The following SLC25A13 variants were observed in gnomAD, a reference collection of about 807,000 sequenced individuals.
SLC25A13 encodes solute carrier family 25 member 13, also known as electrogenic aspartate/glutamate antiporter SLC25A13, mitochondrial.
SLC25A13 carries 70 observed loss-of-function variants against 85.5 expected under a neutral mutation model. That is an observed-to-expected ratio of 0.82 (90% CI 0.68 to 1.00). SLC25A13 has a LOEUF of 1.00. Ranked by LOEUF, SLC25A13 falls within the 50% of genes least tolerant of loss-of-function variation. The pLI, the probability that SLC25A13 is intolerant of heterozygous loss-of-function variation, is 0.00. For synonymous variants in SLC25A13, 259 were observed against 288.7 expected, an observed-to-expected ratio of 0.90 and a Z score of 1.04; for missense variants, 765 against 819.8, an observed-to-expected ratio of 0.93 and a Z score of 0.82.
chr7:96,228,302 A>T (rs1358220116), intron 4 of SLC25A13, among the ~76,000 whole-genome samples: 1 of 152,268 alleles, frequency 6.6e-6, no homozygotes, highest in African/African-American at 2.4e-5. Context: ...AGAATCTGTG[A>T]AACATATAAC....
chr7:96,186,435 G>C (rs962632513), intron 9 of SLC25A13, among the ~76,000 whole-genome samples: 2 of 151,910 alleles, frequency 1.3e-5, no homozygotes, highest in Non-Finnish European at 2.9e-5. Context: ...GTCTCAAAAA[G>C]AAAAAAGTTA....
chr7:96,212,484 GGA>G (rs1795736819), intron 4 of SLC25A13, among the ~76,000 whole-genome samples: 1 of 152,200 alleles, frequency 6.6e-6, no homozygotes, highest in Admixed American at 6.5e-5. Context: ...GGAGATTTAA[GGA>G]GAGAAGTAAG....
chr7:96,315,942 C>G (rs1800110261), intron 1 of SLC25A13, among the ~76,000 whole-genome samples: 2 of 151,802 alleles, frequency 1.3e-5, no homozygotes, highest in Non-Finnish European at 2.9e-5. Context: ...CATAGCAAGA[C>G]CCCCGTCTCT....
chr7:96,264,514 C>G (rs1367397603), intron 3 of SLC25A13, among the ~76,000 whole-genome samples: 4 of 152,150 alleles, frequency 2.6e-5, no homozygotes, highest in African/African-American at 9.7e-5. Flanking sequence ...CAGCATTTCT[C>G]AAAAATTTTA....
At chr7:96,165,474 T>C (rs1221522672) in intron 13 of SLC25A13, among the ~76,000 whole-genome samples, 1 of 152,170 alleles carries the variant, frequency 6.6e-6, no homozygotes, top group Non-Finnish European at 1.5e-5. Context: ...GTAACAGACA[T>C]ACGCAGTATC....
intron 13 of SLC25A13, among the ~76,000 whole-genome samples, chr7:96,158,270 C>A (rs887088979): frequency 2.6e-5 from 4 of 152,168 alleles, no homozygotes; most frequent in Non-Finnish European, 5.9e-5. Context: ...TCCCAACCCC[C>A]AATCATTCTA....
chr7:96,185,039 G>C, intron 9 of SLC25A13, 28 bp from the exon 10 acceptor site: 1 of 1,577,712 alleles, frequency 6.3e-7, no homozygotes, highest in Non-Finnish European at 8.7e-7. Flanking sequence ...GAATCAGAGA[G>C]CAGGAAAACA....
intron 13 of SLC25A13, among the ~76,000 whole-genome samples, chr7:96,148,154 A>T (rs1259368639): frequency 1.3e-5 from 2 of 152,202 alleles, no homozygotes; most frequent in East Asian, 3.8e-4. Flanking sequence ...AGTGCAAATG[A>T]ATTTTTTGTT....
At chr7:96,146,744 G>A (rs745926898) in intron 13 of SLC25A13, 48 bp from the exon 14 acceptor site, 2 of 1,603,624 alleles carry the variant, frequency 1.2e-6, no homozygotes, top group Non-Finnish European at 1.7e-6. Flanking sequence ...AAATGGTAAG[G>A]TGGGTCAGGA....
chr7:96,193,749 C>T (rs1794949654), intron 5 of SLC25A13, among the ~76,000 whole-genome samples: 1 of 152,052 alleles, frequency 6.6e-6, no homozygotes, highest in Non-Finnish European at 1.5e-5. Flanking sequence ...TCGTGTGTAC[C>T]CCTATTCTCT....
intron 3 of SLC25A13, among the ~76,000 whole-genome samples, chr7:96,265,019 T>C (rs922343441): frequency 6.6e-6 from 1 of 152,236 alleles, no homozygotes; most frequent in African/African-American, 2.4e-5. Flanking sequence ...GATTCATAGT[T>C]AGAAAAGAAA....
At chr7:96,123,570 C>T (rs975238973) in intron 15 of SLC25A13, among the ~76,000 whole-genome samples, 6 of 152,164 alleles carry the variant, frequency 3.9e-5, no homozygotes, top group Admixed American at 3.3e-4. Flanking sequence ...TAGTAAGTTG[C>T]CTGGCAAAAC....
At chr7:96,208,301 T>A (rs910592942) in intron 5 of SLC25A13, among the ~76,000 whole-genome samples, 1 of 152,164 alleles carries the variant, frequency 6.6e-6, no homozygotes, top group Non-Finnish European at 1.5e-5. Context: ...GAGTTCTACA[T>A]AAATCTGTGG....
rs532951954 is a variant in SLC25A13 at position 96,321,595 on chromosome 7, C to T, written c.15+347G>A. Reference sequence around the variant, plus strand: ...GAGCGCGCTGGGAAGGTAGAGAGGACCCCCAGCGCTTGCCGGCCCAGGGTG... The same window carrying T: ...GAGCGCGCTGGGAAGGTAGAGAGGATCCCCAGCGCTTGCCGGCCCAGGGTG... On this transcript the variant is annotated intron_variant, in intron 1 of 17. Coordinates refer to ENST00000265631, the MANE Select transcript of SLC25A13 (RefSeq NM_014251.3). Among the ~76,000 whole-genome samples, 5 of 152,176 alleles carry T rather than the reference C, an allele frequency of 3.3e-5. No homozygotes were observed. In the East Asian group the frequency reaches 9.7e-4, roughly 29 times the overall value.
intron 3 of SLC25A13, among the ~76,000 whole-genome samples, chr7:96,257,002 G>A: frequency 6.6e-6 from 1 of 152,126 alleles, no homozygotes; most frequent in Admixed American, 6.6e-5. Context: ...AAATAAATAA[G>A]TTCTTTGAAA....
chr7:96,134,576 G>T (rs1371827580), intron 14 of SLC25A13, among the ~76,000 whole-genome samples: 1 of 151,832 alleles, frequency 6.6e-6, no homozygotes, highest in African/African-American at 2.4e-5. Flanking sequence ...GGCACATGAA[G>T]AATCAGTTGG....
intron 5 of SLC25A13, among the ~76,000 whole-genome samples, chr7:96,203,174 T>C (rs913094368): frequency 6.6e-6 from 1 of 152,142 alleles, no homozygotes; most frequent in African/African-American, 2.4e-5. Context: ...AAAGAGCCGT[T>C]TACCTTTACA....
chr7:96,140,240 G>A (rs1296016882), intron 14 of SLC25A13, among the ~76,000 whole-genome samples: 1 of 150,734 alleles, frequency 6.6e-6, no homozygotes, highest in Non-Finnish European at 1.5e-5. Context: ...TTACAGGCGT[G>A]AGCCACCGCG....
intron 2 of SLC25A13, among the ~76,000 whole-genome samples, chr7:96,278,189 G>A (rs1798531973): frequency 6.6e-6 from 1 of 152,166 alleles, no homozygotes; most frequent in Non-Finnish European, 1.5e-5. Context: ...ATCATGTGGT[G>A]TCCTTATGAA....
Sources: allele counts gnomAD v4.1 joint callset (sites outside exome capture counted in the v4.1 genomes callset), GRCh38; gene constraint gnomAD v4.1.1; transcripts MANE v1.5; gene names NCBI Gene and HGNC (gene_info 2026-07-23, HGNC 2026-07-21).